GLI3: variants seen among roughly 807,000 people sequenced by gnomAD.
GLI3 encodes the protein GLI family zinc finger 3.
In GLI3, 20 loss-of-function variants were observed where a neutral mutation model predicts 100.8. The observed-to-expected ratio is 0.20, with a 90% confidence interval of 0.14 to 0.29. The LOEUF (loss-of-function observed/expected upper bound fraction) is 0.29, where lower values mean the gene tolerates loss of function less well. Among genes scored for constraint, GLI3 ranks in the 10% least tolerant of loss-of-function variants. The pLI, the probability that GLI3 is intolerant of heterozygous loss-of-function variation, is 1.00. For missense variants in GLI3, 2,040 were observed against 2,128.5 expected, an observed-to-expected ratio of 0.96 and a Z score of 0.82; for synonymous variants, 938 against 860.5, an observed-to-expected ratio of 1.09 and a Z score of -1.58.
intron 3 of GLI3, among the ~76,000 whole-genome samples, chr7:42,140,747 C>G (rs563805231): frequency 6.6e-6 from 1 of 152,230 alleles, no homozygotes; most frequent in East Asian, 1.9e-4. Flanking sequence ...ATCAAGAAAG[C>G]TAAGGCAGGA....
chr7:42,024,571 G>C (rs925477743), intron 9 of GLI3, among the ~76,000 whole-genome samples: 1 of 152,306 alleles, frequency 6.6e-6, no homozygotes, highest in South Asian at 2.1e-4. Flanking sequence ...CAATCTCTAT[G>C]GTGGGGAATT....
At chr7:42,171,962 T>G (rs1487322091) in intron 2 of GLI3, among the ~76,000 whole-genome samples, 1 of 152,156 alleles carries the variant, frequency 6.6e-6, no homozygotes, top group Non-Finnish European at 1.5e-5. Flanking sequence ...TAAAACAATG[T>G]TTACGGCTCC....
In GLI3 at chr7:41,964,505, A is replaced by C. The variant is rs752743828; in HGVS notation, c.4568T>G (p.Leu1523Arg). ...AAGGTTCTGAATGATACTTGGGCTC[A>C]GGGCCCCCGACATCAGGCTGGAGTG... is the stretch of plus-strand genomic sequence containing the variant. ...GDHSSLMSGA[L>R]SPSIIQNLSH... The change falls in exon 15 of 15, where the codon CTG becomes CGG. Residue 1523 changes from leucine (L) to arginine (R), a missense_variant. By Grantham distance (102) the Leu-to-Arg change is moderately radical. This residue lies in a region of GLI3 where 1,041 missense variants were observed against 924.0 expected (regional missense o/e 1.13). Coordinates refer to ENST00000395925, the MANE Select transcript of GLI3 (RefSeq NM_000168.6). 2 of 1,614,082 alleles carry C rather than the reference A, an allele frequency of 1.2e-6. No individual in the cohort carries two copies. Among genetic ancestry groups the C allele is most frequent in the South Asian group, 1.1e-5 (1 of 91,080 alleles).
intron 10 of GLI3, among the ~76,000 whole-genome samples, chr7:42,020,342 G>A (rs940758381): frequency 1.3e-5 from 2 of 152,154 alleles, no homozygotes; most frequent in Non-Finnish European, 2.9e-5. Context: ...CAGAACAAGG[G>A]GAGAACTTGT....
chr7:42,022,018 C>T (rs1228832461), intron 10 of GLI3, among the ~76,000 whole-genome samples: 1 of 152,142 alleles, frequency 6.6e-6, no homozygotes, highest in Non-Finnish European at 1.5e-5. Context: ...TTCAAAATAA[C>T]ACTTGCATTA....
intron 10 of GLI3, among the ~76,000 whole-genome samples, chr7:41,980,376 G>A (rs1041752936): frequency 1.5e-4 from 23 of 152,202 alleles, no homozygotes; most frequent in Non-Finnish European, 2.8e-4. Context: ...GTAAGTCTTT[G>A]TAGCCCATAC....
intron 2 of GLI3, among the ~76,000 whole-genome samples, chr7:42,152,660 C>T (rs1264716514): frequency 6.6e-6 from 1 of 152,154 alleles, no homozygotes; most frequent in African/African-American, 2.4e-5. Context: ...TCACAATCAG[C>T]CTGAGAGAAG....
intron 3 of GLI3, among the ~76,000 whole-genome samples, chr7:42,143,905 G>T (rs953089162): frequency 6.6e-6 from 1 of 152,108 alleles, no homozygotes; most frequent in African/African-American, 2.4e-5. Flanking sequence ...TAAAAAGCAG[G>T]CATCTTTCTG....
chr7:42,226,519 G>A (rs1788585326), intron 1 of GLI3, among the ~76,000 whole-genome samples: 1 of 152,126 alleles, frequency 6.6e-6, no homozygotes, highest in African/African-American at 2.4e-5. Flanking sequence ...CTAATTAATG[G>A]TCTTAAAGAA....
intron 10 of GLI3, among the ~76,000 whole-genome samples, chr7:42,000,298 C>T (rs771679268): frequency 2.0e-5 from 3 of 152,254 alleles, no homozygotes; most frequent in South Asian, 2.1e-4. Flanking sequence ...ATAAACTTTA[C>T]GACTTGCTGG....
At chr7:42,150,040 A>C (rs912669964) in intron 2 of GLI3, 8 of 152,234 alleles carry the variant, frequency 5.3e-5, no homozygotes, top group African/African-American at 1.9e-4. Flanking sequence ...GACTTGCAGA[A>C]CAGAAAAGAC....
In GLI3 at chr7:41,965,887, C is replaced by T. The variant is rs747635516; in HGVS notation, c.3186G>A (p.Ser1062=). 1 of 1,613,608 alleles carries T rather than the reference C, an allele frequency of 6.2e-7. No homozygotes were observed. Among genetic ancestry groups the T allele is most frequent in the South Asian group, 1.1e-5 (1 of 91,058 alleles). The change falls in exon 15 of 15, where the codon TCG becomes TCA. Residue 1062 remains serine, a synonymous_variant. Coordinates refer to ENST00000395925, the MANE Select transcript of GLI3 (RefSeq NM_000168.6). ...CGGTGATGCTGGGAGGACAGGGGGA[C>T]GAGTGGAAGTTTCGGGACTGGCCGC... ...PEGGQSRNFH[S]SPCPPSITEN...
At chr7:42,239,509 T>G (rs1423532150), upstream of GLI3, among the ~76,000 whole-genome samples, 1 of 152,200 alleles carries the variant, frequency 6.6e-6, no homozygotes, top group East Asian at 1.9e-4. Context: ...TGCTTCTGCC[T>G]CAATCACATG....
intron 7 of GLI3, among the ~76,000 whole-genome samples, chr7:42,035,244 T>A (rs1789405952): frequency 6.6e-6 from 1 of 152,162 alleles, no homozygotes; most frequent in Non-Finnish European, 1.5e-5. Context: ...TTCTCTGACA[T>A]AAGCAAGGTG....
intron 2 of GLI3, among the ~76,000 whole-genome samples, chr7:42,222,598 G>A (rs747810734): frequency 2.0e-5 from 3 of 152,110 alleles, no homozygotes; most frequent in Non-Finnish European, 2.9e-5. Context: ...ACACAAATAA[G>A]TAAATTAAAT....
In GLI3 at chr7:42,186,423, G is replaced by A. The variant is rs558143372; in HGVS notation, c.124+36707C>T. ...AGAGACTCACAGAAAGAATAATGAC[G>A]TTCTTGATTTTGCAAGAAAAAAAGT... On this transcript the variant is annotated intron_variant, in intron 2 of 14. Transcript: ENST00000395925. Among the ~76,000 whole-genome samples, 12 of 152,228 alleles carry A rather than the reference G, an allele frequency of 7.9e-5. No homozygotes were observed. In the South Asian group the frequency reaches 1.9e-3, roughly 24 times the overall value.
chr7:42,020,762 C>T (rs1157846637), intron 10 of GLI3, among the ~76,000 whole-genome samples: 3 of 151,876 alleles, frequency 2.0e-5, no homozygotes, highest in East Asian at 1.9e-4. Context: ...TGGTAGCGGG[C>T]GCCTGTAGTC....
At chr7:41,981,031 C>G (rs1787651895) in intron 10 of GLI3, among the ~76,000 whole-genome samples, 2 of 152,170 alleles carry the variant, frequency 1.3e-5, no homozygotes, top group Admixed American at 1.3e-4. Context: ...TCCAATGAAG[C>G]AGCATTTAGA....
intron 3 of GLI3, among the ~76,000 whole-genome samples, chr7:42,111,633 T>C (rs1785709223): frequency 6.6e-6 from 1 of 152,146 alleles, no homozygotes; most frequent in Non-Finnish European, 1.5e-5. Context: ...ATGTTTCAAA[T>C]AGCCAATATC....
Sources: allele counts gnomAD v4.1 joint callset (sites outside exome capture counted in the v4.1 genomes callset), GRCh38; gene constraint gnomAD v4.1.1; regional missense constraint gnomAD v4.1.1; transcripts MANE v1.5; gene names NCBI Gene and HGNC (gene_info 2026-07-23, HGNC 2026-07-21).